Variants in HNF1B observed in about 807,000 individuals in gnomAD.
The protein encoded by HNF1B is HNF1 homeobox B.
Under a neutral mutation model 61.7 loss-of-function variants are expected in HNF1B, and 8 were observed. The observed-to-expected ratio is 0.13, with a 90% CI of 0.08 to 0.23. The LOEUF (loss-of-function observed/expected upper bound fraction) is 0.23. HNF1B is among the 10% of genes least tolerant of loss of function. HNF1B has a pLI of 1.00. For synonymous variants in HNF1B, 314 were observed against 287.7 expected (o/e 1.09, Z -0.93); for missense variants, 562 against 714.5 (o/e 0.79, Z 2.43).
chr17:37,717,018 A>G (rs1202268614), intron 4 of HNF1B, among the ~76,000 whole-genome samples: 2 of 152,192 alleles, frequency 1.3e-5, no homozygotes, highest in Non-Finnish European at 2.9e-5. Flanking sequence ...TCAGAGATGC[A>G]CTGGTTCTGC....
At chr17:37,724,035 A>G (rs539713567) in intron 4 of HNF1B, among the ~76,000 whole-genome samples, 3 of 152,270 alleles carry the variant, frequency 2.0e-5, no homozygotes, top group African/African-American at 4.8e-5. Flanking sequence ...GCATTTCCCC[A>G]TATTAGATGT....
chr17:37,735,631 C>T (rs1182378063), intron 2 of HNF1B, among the ~76,000 whole-genome samples: 2 of 152,152 alleles, frequency 1.3e-5, no homozygotes, highest in Non-Finnish European at 2.9e-5. Flanking sequence ...CAGCTTAATT[C>T]CCTCATCATT....
chr17:37,739,720 T>A (rs1020518117), intron 1 of HNF1B, 81 bp from the exon 2 acceptor site: 16 of 1,285,584 alleles, frequency 1.2e-5, no homozygotes, highest in Admixed American at 3.9e-5. Context: ...GTGCTACCTA[T>A]GGTCTATGCA....
intron 1 of HNF1B, among the ~76,000 whole-genome samples, chr17:37,742,648 G>A (rs1373273699): frequency 1.3e-5 from 2 of 152,082 alleles, no homozygotes; most frequent in Non-Finnish European, 2.9e-5. Context: ...GAGGGTCTCC[G>A]GCTCCCCAGT....
intron 4 of HNF1B, among the ~76,000 whole-genome samples, chr17:37,718,167 C>A (rs1386883304): frequency 3.3e-5 from 5 of 152,024 alleles, no homozygotes; most frequent in Admixed American, 6.6e-5. Flanking sequence ...AAAAAAAAAT[C>A]TTTCATCAAA....
chr17:37,738,696 T>TTTAGAA (rs1328728645), intron 2 of HNF1B, among the ~76,000 whole-genome samples: 1 of 152,208 alleles, frequency 6.6e-6, no homozygotes, highest in African/African-American at 2.4e-5. Context: ...ACAAAAACCT[T>TTTAGAA]TTAGAATTAT....
At chr17:37,713,534 G>A (rs1477094844) in intron 4 of HNF1B, among the ~76,000 whole-genome samples, 7 of 152,158 alleles carry the variant, frequency 4.6e-5, no homozygotes, top group Non-Finnish European at 8.8e-5. Flanking sequence ...ATATAACGGT[G>A]GAGCTGCTCT....
chr17:37,716,464 G>A (rs993660289), intron 4 of HNF1B, among the ~76,000 whole-genome samples: 2 of 152,182 alleles, frequency 1.3e-5, no homozygotes, highest in Admixed American at 1.3e-4. Context: ...CTCCCAAAGT[G>A]CTGGGATTGA....
chr17:37,720,756 C>G, intron 4 of HNF1B: 1 of 983,552 alleles, frequency 1.0e-6, no homozygotes, highest in Non-Finnish European at 1.2e-6. Flanking sequence ...GATGTTGGTA[C>G]AGCCCACAAT....
intron 5 of HNF1B, among the ~76,000 whole-genome samples, chr17:37,706,648 T>G (rs2032758328): frequency 6.7e-6 from 1 of 148,418 alleles, no homozygotes; most frequent in South Asian, 2.1e-4. Flanking sequence ...GCCTGTTTGC[T>G]GGACTTGTTT....
Position 37,744,657 on chromosome 17 carries a change from G to T in HNF1B, c.228C>A (p.Gly76=). The stretch of plus-strand genomic sequence containing the variant: ...CGTCGCCGTCCTCGGAGCCCTCGTC[G>T]CCGGACAAGCGGCCCTTGGCGTGGC... The part of the protein sequence containing the change: ...TNGHAKGRLS[G]DEGSEDGDDY... The change falls in exon 1 of 9, where the codon GGC becomes GGA. Residue 76 remains glycine (G), a synonymous_variant. Coordinates refer to ENST00000617811, the MANE Select transcript of HNF1B (RefSeq NM_000458.4). 6.2e-7 allele frequency: 1 copy of T among 1,613,074 alleles called. No homozygotes were observed. The highest frequency in any genetic ancestry group is 8.5e-7 in the Non-Finnish European group (1 of 1,180,028).
chr17:37,688,429 C>T (rs117553285), intron 8 of HNF1B, among the ~76,000 whole-genome samples: 3,107 of 123,582 alleles, frequency 0.025, 55 homozygotes, highest in Admixed American at 0.086. Context: ...ACACTTACAC[C>T]TACCAATACC....
At chr17:37,704,828 G>T in intron 6 of HNF1B, 89 bp downstream of exon 6, 1 of 1,440,540 alleles carries the variant, frequency 6.9e-7, no homozygotes. Flanking sequence ...GAGTTTGAAG[G>T]AGACCTACAG....
At chr17:37,698,476 T>G (rs898429618) in intron 8 of HNF1B, among the ~76,000 whole-genome samples, 3 of 152,126 alleles carry the variant, frequency 2.0e-5, no homozygotes, top group Non-Finnish European at 4.4e-5. Context: ...CCACTTTCAG[T>G]GCAGCAGGAA....
intron 8 of HNF1B, among the ~76,000 whole-genome samples, chr17:37,690,394 T>A (rs2032158467): frequency 6.6e-6 from 1 of 152,122 alleles, no homozygotes. Context: ...TGGAAAGCTA[T>A]TGGAGAGTTT....
chr17:37,728,421 C>T (rs2033576754), intron 4 of HNF1B, among the ~76,000 whole-genome samples: 1 of 151,986 alleles, frequency 6.6e-6, no homozygotes, highest in Non-Finnish European at 1.5e-5. Flanking sequence ...ATTCTCCTGC[C>T]TCAGCCTCCC....
Position 37,687,057 on chromosome 17 carries a change from A to T in HNF1B, c.*315T>A. 1.7e-6 allele frequency: 1 copy of T among 581,286 alleles called. No homozygotes were observed. Among genetic ancestry groups the T allele is most frequent in the South Asian group, 2.0e-5 (1 of 49,638 alleles). The allele number at this position is 581,286 out of a possible 1,614,324, so 36.0% of individuals were successfully genotyped here. ...TTCGCATCAGTTTGTTCGATGAAGG[A>T]TCACAACATAGACAGTACGGCTTTC... On this transcript the variant is annotated 3_prime_UTR_variant, in exon 9 of 9. Transcript: ENST00000617811.
chr17:37,690,965 G>C (rs1261607423), intron 8 of HNF1B, among the ~76,000 whole-genome samples: 1 of 152,178 alleles, frequency 6.6e-6, no homozygotes. Flanking sequence ...GCACAGATGA[G>C]AAGAGGCCAA....
rs1433362382 is a variant in HNF1B, at chr17:37,700,964, C to T, written c.1534+19G>A. ...GAGGGTCCTGAGTGCTCCCTCCCTC[C>T]ACATGCCCGTGTCCTTACTGTGTGA... On this transcript the variant is annotated intron_variant, in intron 7 of 8. Transcript: ENST00000617811. 1 of 1,551,522 alleles carries T rather than the reference C, an allele frequency of 6.4e-7. No homozygotes were observed. The highest frequency in any genetic ancestry group is 2.2e-4 in the Middle Eastern group (1 of 4,532).
Sources: gnomAD v4.1 joint callset for allele counts (sites outside exome capture counted in the v4.1 genomes callset) on GRCh38, gnomAD v4.1.1 for gene constraint, MANE v1.5 for transcripts, NCBI Gene and HGNC (gene_info 2026-07-23, HGNC 2026-07-21) for gene names.